FGGY: variants seen among roughly 807,000 people sequenced by gnomAD.
FGGY encodes FGGY carbohydrate kinase domain-containing protein.
In FGGY, 72 loss-of-function variants were observed where a neutral mutation model predicts 71.3. The observed-to-expected ratio is 1.01, with a 90% confidence interval of 0.84 to 1.23. The LOEUF (loss-of-function observed/expected upper bound fraction) is 1.23, where lower values mean the gene tolerates loss of function less well. FGGY is among the 50% of genes most tolerant of loss of function. The pLI is 0.00. For missense variants in FGGY, 668 were observed against 682.3 expected (o/e 0.98, Z 0.23); for synonymous variants, 251 against 250.3 (o/e 1.00, Z -0.02).
chr1:59,721,337 G>GTTTTTGTT (rs2097891651), intron 14 of FGGY, among the ~76,000 whole-genome samples: 3 of 105,376 alleles, frequency 2.8e-5, no homozygotes, highest in African/African-American at 1.3e-4. Flanking sequence ...TCTTTCCTTT[G>GTTTTTGTT]TTTTTTTTTT....
At chr1:59,656,094 A>C (rs560555280) in intron 11 of FGGY, among the ~76,000 whole-genome samples, 1 of 152,334 alleles carries the variant, frequency 6.6e-6, no homozygotes. Flanking sequence ...TAATTGTAAG[A>C]GCTTTCTCTT....
intron 14 of FGGY, among the ~76,000 whole-genome samples, chr1:59,704,088 G>A (rs527778919): frequency 9.9e-5 from 15 of 152,220 alleles, no homozygotes; most frequent in African/African-American, 2.9e-4. Context: ...GAGTATGTGC[G>A]CTAGACAGGA....
chr1:59,329,759 A>G (rs2048110611), intron 2 of FGGY, among the ~76,000 whole-genome samples: 1 of 152,168 alleles, frequency 6.6e-6, no homozygotes, highest in African/African-American at 2.4e-5. Context: ...AAGCTATCCA[A>G]TCCAATAGTT....
At chr1:59,740,620 C>T (rs1395840141) in intron 14 of FGGY, among the ~76,000 whole-genome samples, 1 of 152,208 alleles carries the variant, frequency 6.6e-6, no homozygotes, top group Non-Finnish European at 1.5e-5. Flanking sequence ...TTTATCAACA[C>T]ACCACTGCTT....
At chr1:59,500,663 C>CAAAAAAA (rs922111998) in intron 6 of FGGY, among the ~76,000 whole-genome samples, 1 of 44,768 alleles carries the variant, frequency 2.2e-5, no homozygotes. Flanking sequence ...GCCTTCTTGC[C>CAAAAAAA]AAAAAAAAAA....
chr1:59,756,898 A>ATT (rs71281846), intron 14 of FGGY, among the ~76,000 whole-genome samples: 38,223 of 145,382 alleles, frequency 0.26, 5,199 homozygotes, highest in Admixed American at 0.37. Context: ...TGGTATTCAG[A>ATT]TTTTTTTTTT....
chr1:59,663,852 T>C (rs951371164), intron 12 of FGGY, among the ~76,000 whole-genome samples: 3 of 152,336 alleles, frequency 2.0e-5, no homozygotes, highest in African/African-American at 7.2e-5. Flanking sequence ...AAATGTTGTT[T>C]CATTAGCCCT....
At chr1:59,698,987 T>C (rs973544449) in intron 14 of FGGY, 2 of 985,134 alleles carry the variant, frequency 2.0e-6, no homozygotes, top group Non-Finnish European at 2.4e-6. Flanking sequence ...ATGAAAACCA[T>C]GTTTAAATAT....
intron 7 of FGGY, among the ~76,000 whole-genome samples, chr1:59,522,454 G>GT (rs1287076509): frequency 5.3e-5 from 8 of 152,170 alleles, no homozygotes; most frequent in Non-Finnish European, 8.8e-5. Flanking sequence ...CTAATAAAGT[G>GT]TATTTAAAGC....
chr1:59,402,910 C>A (rs557884302), intron 5 of FGGY, among the ~76,000 whole-genome samples: 1 of 152,154 alleles, frequency 6.6e-6, no homozygotes, highest in Non-Finnish European at 1.5e-5. Context: ...ATGCTTACCT[C>A]CCTGAGAGGG....
At chr1:59,567,109 A>C (rs2095886286) in intron 8 of FGGY, among the ~76,000 whole-genome samples, 1 of 152,286 alleles carries the variant, frequency 6.6e-6, no homozygotes, top group South Asian at 2.1e-4. Flanking sequence ...TGCCATACCT[A>C]TTTGATTTCT....
intron 2 of FGGY, among the ~76,000 whole-genome samples, chr1:59,326,608 AT>A (rs1360064513): frequency 6.6e-6 from 1 of 152,186 alleles, no homozygotes; most frequent in African/African-American, 2.4e-5. Context: ...AAACCTATGC[AT>A]TCTCTCTATC....
rs116768702 is a variant in FGGY, at chr1:59,712,566, C to G, written c.1512+38433C>G. On this transcript the variant is annotated intron_variant, in intron 14 of 15. Transcript: ENST00000303721. ...GCCTGGGCATCCAGGTTTTTCCATA[C>G]ATCTTCTGAAATCTAGGCAGAGGTT... 8.4e-3 allele frequency among the ~76,000 whole-genome samples: 1,287 copies of G among 152,332 alleles called. 15 individuals are homozygous for G. Among genetic ancestry groups the G allele is most frequent in the African/African-American group, 0.029 (1,215 of 41,570 alleles).
At chr1:59,723,700 T>G (rs1391223480) in intron 14 of FGGY, among the ~76,000 whole-genome samples, 1 of 152,188 alleles carries the variant, frequency 6.6e-6, no homozygotes, top group Non-Finnish European at 1.5e-5. Flanking sequence ...AGTTACATTG[T>G]TTTTGACATA....
intron 5 of FGGY, among the ~76,000 whole-genome samples, chr1:59,445,131 G>A (rs1432844328): frequency 6.6e-6 from 1 of 152,114 alleles, no homozygotes; most frequent in Non-Finnish European, 1.5e-5. Context: ...AAATATTTTT[G>A]GAAGGAGGGA....
intron 10 of FGGY, among the ~76,000 whole-genome samples, chr1:59,637,345 A>G (rs530162575): frequency 1.4e-4 from 22 of 152,038 alleles, no homozygotes; most frequent in Admixed American, 5.9e-4. Context: ...TAAAAAGGAG[A>G]AAAAAAACCA....
chr1:59,417,171 A>G (rs1048244428), intron 5 of FGGY, among the ~76,000 whole-genome samples: 3 of 152,062 alleles, frequency 2.0e-5, no homozygotes, highest in Admixed American at 6.5e-5. Context: ...TTCTTTCTCT[A>G]TGGATTTTCC....
At chr1:59,483,750 C>G (rs185649925) in intron 6 of FGGY, among the ~76,000 whole-genome samples, 3 of 152,050 alleles carry the variant, frequency 2.0e-5, no homozygotes, top group Admixed American at 2.0e-4. Context: ...AAATCAACAG[C>G]AAAAGCAGAA....
intron 6 of FGGY, among the ~76,000 whole-genome samples, chr1:59,503,644 A>G (rs921130450): frequency 1.4e-5 from 2 of 147,000 alleles, no homozygotes; most frequent in East Asian, 3.9e-4. Flanking sequence ...TATATAATAT[A>G]TATACATGAT....
Sources: gnomAD v4.1 joint callset for allele counts (sites outside exome capture counted in the v4.1 genomes callset) on GRCh38, gnomAD v4.1.1 for gene constraint, MANE v1.5 for transcripts, NCBI Gene and HGNC (gene_info 2026-07-23, HGNC 2026-07-21) for gene names.